Variants in MYO18B observed in about 807,000 individuals in gnomAD.
MYO18B encodes the protein unconventional myosin-XVIIIb.
In MYO18B, 204 loss-of-function variants were observed where a neutral mutation model predicts 273.0. The observed-to-expected ratio is 0.75, with a 90% CI of 0.67 to 0.84. The LOEUF (loss-of-function observed/expected upper bound fraction) is 0.84. Ranked by LOEUF, MYO18B falls within the 40% of genes least tolerant of loss-of-function variation. MYO18B has a pLI of 0.00. For missense variants in MYO18B, 3,212 were observed against 3,287.6 expected (o/e 0.98, Z 0.56); for synonymous variants, 1,330 against 1,305.7 (o/e 1.02, Z -0.40).
At chr22:25,978,799 C>T (rs554579236) in intron 39 of MYO18B, among the ~76,000 whole-genome samples, 8 of 152,120 alleles carry the variant, frequency 5.3e-5, no homozygotes, top group Non-Finnish European at 1.2e-4. Context: ...ACTGAAAATA[C>T]AAAAATTAGT....
chr22:25,787,075 C>T (rs1415474088), intron 11 of MYO18B, among the ~76,000 whole-genome samples: 4 of 152,012 alleles, frequency 2.6e-5, no homozygotes, highest in Non-Finnish European at 5.9e-5. Context: ...ATTAGCTGAG[C>T]GTGGTGGCAC....
At chr22:25,770,272 G>A (rs551559675) in intron 5 of MYO18B, 96 bp downstream of exon 5, 1 of 1,254,186 alleles carries the variant, frequency 8.0e-7, no homozygotes, top group African/African-American at 1.5e-5. Context: ...TTATACTTTG[G>A]TGGTCAGGAG....
the MYO18B span, among the ~76,000 whole-genome samples, chr22:26,040,301 G>A: frequency 7.9e-4 from 120 of 152,214 alleles, 1 homozygote; most frequent in African/African-American, 2.6e-3. Context: ...TTTACTTGGG[G>A]CTCTCTCTAC....
At chr22:25,908,231 G>A (rs2092086023) in intron 31 of MYO18B, 91 bp from the exon 32 acceptor site, 3 of 1,016,324 alleles carry the variant, frequency 3.0e-6, no homozygotes, top group Admixed American at 2.0e-5. Context: ...TTCCAAAAAT[G>A]AGAAATGCAA....
chr22:25,975,391 CA>C (rs1331835696), intron 39 of MYO18B, among the ~76,000 whole-genome samples: 1 of 152,178 alleles, frequency 6.6e-6, no homozygotes, highest in Non-Finnish European at 1.5e-5. Flanking sequence ...ATCCTAATAT[CA>C]TATAGTCTGA....
rs1476119090 is a variant in MYO18B, at chr22:25,765,574, G to A, written c.198+2185G>A. On this transcript the variant is annotated intron_variant, in intron 3 of 43. Coordinates refer to ENST00000335473, the MANE Select transcript of MYO18B (RefSeq NM_032608.7). ...TAGCTCTGGCCCTGCCGCTTTTTGT[G>A]GTCCTGGCTAAACCCCTTCCCCTTT... Among the ~76,000 whole-genome samples the A allele has an allele frequency of 2.1e-4, 32 of 152,136 alleles. 1 individual carries two copies. Among genetic ancestry groups the A allele is most frequent in the Admixed American group, 2.1e-3 (32 of 15,282 alleles).
chr22:25,793,080 G>A (rs2087750847), intron 11 of MYO18B, among the ~76,000 whole-genome samples: 1 of 152,154 alleles, frequency 6.6e-6, no homozygotes, highest in African/African-American at 2.4e-5. Flanking sequence ...GAACAGCCTG[G>A]GTGAAGGCAT....
Position 25,768,243 on chromosome 22 carries a change from C to T in MYO18B, c.327C>T (p.Ser109=), listed in dbSNP as rs367932319. ...GCTCAGACATTCTGGGCAAGGAGAGCGAGGGGTCCCGCAGCCCCGACCCTG... is the reference window on the plus strand; with the variant it reads ...GCTCAGACATTCTGGGCAAGGAGAGTGAGGGGTCCCGCAGCCCCGACCCTG... ...PGSSDILGKE[S]EGSRSPDPEQ... Residue 109 remains serine, a synonymous_variant, in exon 4 of 44, where the codon AGC becomes AGT. Coordinates refer to ENST00000335473, the MANE Select transcript of MYO18B (RefSeq NM_032608.7). 1.3e-4 allele frequency: 214 copies of T among 1,613,852 alleles called. No individual in the cohort carries two copies. Among genetic ancestry groups the T allele is most frequent in the Non-Finnish European group, 1.7e-4 (206 of 1,179,896 alleles).
In MYO18B at chr22:26,017,978, T is replaced by G. The variant is rs887932548; in HGVS notation, c.6471-8467T>G. On this transcript the variant is annotated intron_variant, in intron 42 of 43. Coordinates refer to ENST00000335473, the MANE Select transcript of MYO18B (RefSeq NM_032608.7). ...AATTTTACTGTTTTGTTTTTTTTTT[T>G]TTTTTTTTTTTTGCGGGGGCAGGGG... is the stretch of plus-strand genomic sequence containing the variant. Among the ~76,000 whole-genome samples, 1,063 of 148,800 alleles carry G rather than the reference T, an allele frequency of 7.1e-3. 11 individuals are homozygous for G. Among genetic ancestry groups the G allele is most frequent in the African/African-American group, 0.024 (990 of 40,500 alleles).
At chr22:25,746,227 C>T (rs990087245) in intron 1 of MYO18B, among the ~76,000 whole-genome samples, 3 of 152,192 alleles carry the variant, frequency 2.0e-5, no homozygotes. Context: ...GAAGAGGAAA[C>T]TCAGCATCAG....
At chr22:25,926,817 A>T (rs1280799069) in intron 34 of MYO18B, among the ~76,000 whole-genome samples, 1 of 152,210 alleles carries the variant, frequency 6.6e-6, no homozygotes, top group Non-Finnish European at 1.5e-5. Context: ...TGTTGTGGGA[A>T]ATCAGGGACC....
intron 28 of MYO18B, chr22:25,896,285 C>T (rs186551334): frequency 2.6e-4 from 39 of 152,234 alleles, no homozygotes; most frequent in African/African-American, 8.7e-4. Flanking sequence ...CCTTCCAGGC[C>T]AGCAGGTGGA....
intron 10 of MYO18B, among the ~76,000 whole-genome samples, chr22:25,783,266 G>A (rs2087238889): frequency 6.6e-6 from 1 of 152,162 alleles, no homozygotes; most frequent in African/African-American, 2.4e-5. Flanking sequence ...TGCCCCACAT[G>A]GGCTTCTCTG....
chr22:25,959,317 G>A (rs2092891679), intron 39 of MYO18B: 1 of 149,214 alleles, frequency 6.7e-6, no homozygotes, highest in African/African-American at 2.5e-5. Context: ...TAGTCACCCA[G>A]GCTGGAGTGC....
At chr22:25,754,938 G>C (rs896795078) in intron 1 of MYO18B, among the ~76,000 whole-genome samples, 1 of 152,244 alleles carries the variant, frequency 6.6e-6, no homozygotes, top group African/African-American at 2.4e-5. Flanking sequence ...AGCTGAGGGT[G>C]ATTCTTGGGA....
chr22:25,743,917 C>CG (rs1357220964), intron 1 of MYO18B, among the ~76,000 whole-genome samples: 2 of 152,092 alleles, frequency 1.3e-5, no homozygotes, highest in East Asian at 1.9e-4. Flanking sequence ...GGGCAGGAGG[C>CG]GGGGGGCTGT....
At chr22:25,846,547 G>A (rs2090253405) in intron 19 of MYO18B, among the ~76,000 whole-genome samples, 1 of 152,200 alleles carries the variant, frequency 6.6e-6, no homozygotes, top group Non-Finnish European at 1.5e-5. Flanking sequence ...GCCTGGGGGA[G>A]TTCCCAGAAG....
At chr22:25,929,842 G>A (rs959268070) in intron 34 of MYO18B, among the ~76,000 whole-genome samples, 2 of 152,102 alleles carry the variant, frequency 1.3e-5, no homozygotes, top group African/African-American at 4.8e-5. Flanking sequence ...TCTTGTCTGA[G>A]CAATCTTTGT....
At chr22:25,978,878 C>A (rs939793269) in intron 39 of MYO18B, among the ~76,000 whole-genome samples, 1 of 152,130 alleles carries the variant, frequency 6.6e-6, no homozygotes, top group Non-Finnish European at 1.5e-5. Context: ...ATCTGGGAGG[C>A]AGAGGTTGCA....
Sources: allele counts gnomAD v4.1 joint callset (sites outside exome capture counted in the v4.1 genomes callset), GRCh38; gene constraint gnomAD v4.1.1; transcripts MANE v1.5; gene names NCBI Gene and HGNC (gene_info 2026-07-23, HGNC 2026-07-21).